The following EPHA3 variants were observed in gnomAD, a reference collection of about 807,000 sequenced individuals.
EPHA3 encodes the protein EPH receptor A3, also known as ephrin type-A receptor 3.
EPHA3 carries 42 observed loss-of-function variants against 107.1 expected under a neutral mutation model. The observed-to-expected ratio is 0.39, with a 90% CI of 0.31 to 0.51. The LOEUF (loss-of-function observed/expected upper bound fraction) is 0.51, where lower values mean the gene tolerates loss of function less well. Ranked by LOEUF, EPHA3 falls within the 20% of genes least tolerant of loss-of-function variation. The pLI, the probability that EPHA3 is intolerant of heterozygous loss-of-function variation, is 0.78. For synonymous variants in EPHA3, 461 were observed against 424.8 expected, an observed-to-expected ratio of 1.09 and a Z score of -1.05; for missense variants, 1,183 against 1,211.2, an observed-to-expected ratio of 0.98 and a Z score of 0.35.
At chr3:89,134,560 T>C (rs1254146486) in intron 2 of EPHA3, among the ~76,000 whole-genome samples, 1 of 152,208 alleles carries the variant, frequency 6.6e-6, no homozygotes, top group Non-Finnish European at 1.5e-5. Context: ...TCATTTTTTA[T>C]GGCTGCATAG....
At chr3:89,328,119 A>C (rs1185514994) in intron 3 of EPHA3, among the ~76,000 whole-genome samples, 1 of 152,008 alleles carries the variant, frequency 6.6e-6, no homozygotes, top group African/African-American at 2.4e-5. Flanking sequence ...AAAAGAAAAA[A>C]ACAGAAAAAA....
intron 3 of EPHA3, among the ~76,000 whole-genome samples, chr3:89,215,557 A>G (rs1294745505): frequency 6.6e-6 from 1 of 151,898 alleles, no homozygotes; most frequent in Non-Finnish European, 1.5e-5. Context: ...GTTTAGGAGA[A>G]ATATGTCTGT....
intron 3 of EPHA3, among the ~76,000 whole-genome samples, chr3:89,333,429 G>A (rs994091961): frequency 1.3e-5 from 2 of 152,052 alleles, no homozygotes; most frequent in African/African-American, 4.8e-5. Flanking sequence ...TTTTGCAAAG[G>A]CCTTATCTAA....
At chr3:89,479,276 A>T in intron 16 of EPHA3, 121 bp from the exon 17 acceptor site, 1 of 749,996 alleles carries the variant, frequency 1.3e-6, no homozygotes, top group Non-Finnish European at 2.3e-6. Flanking sequence ...GATGATGCAA[A>T]TATCAGACAA....
intron 3 of EPHA3, among the ~76,000 whole-genome samples, chr3:89,272,468 T>A (rs768038796): frequency 6.6e-6 from 1 of 151,978 alleles, no homozygotes; most frequent in Non-Finnish European, 1.5e-5. Flanking sequence ...TGCAGTGTAT[T>A]TCAACTTTGC....
chr3:89,136,197 G>A (rs908862394), intron 2 of EPHA3, among the ~76,000 whole-genome samples: 1 of 151,862 alleles, frequency 6.6e-6, no homozygotes, highest in African/African-American at 2.4e-5. Flanking sequence ...TGACATATGT[G>A]ATATGTGATT....
chr3:89,361,207 C>T (rs1382951653), intron 5 of EPHA3, among the ~76,000 whole-genome samples: 3 of 150,968 alleles, frequency 2.0e-5, no homozygotes, highest in Non-Finnish European at 4.4e-5. Context: ...AGAAGGCCTT[C>T]TTGTATCCTT....
chr3:89,322,225 T>C lies in EPHA3; in HGVS notation c.815-18691T>C, dbSNP rs575718369. 5.3e-5 allele frequency among the ~76,000 whole-genome samples: 8 copies of C among 152,118 alleles called. No homozygotes were observed. In the East Asian group the frequency reaches 1.4e-3, roughly 26 times the overall value. On this transcript the variant is annotated intron_variant, in intron 3 of 16. Transcript: ENST00000336596. ...TGGAATTATTCAAGTATCCATTGAG[T>C]CTTTGGAAATAATGCTATGATCACC...
At position 89,458,194 on chromosome 3, in the gene EPHA3, C is replaced by T. The variant is rs1710138496; in HGVS notation, c.2690+7824C>T. 2.6e-5 allele frequency among the ~76,000 whole-genome samples: 4 copies of T among 152,194 alleles called. No homozygotes were observed. In the South Asian group the frequency reaches 8.3e-4, roughly 32 times the overall value. On this transcript the variant is annotated intron_variant, in intron 15 of 16. Coordinates refer to ENST00000336596, the MANE Select transcript of EPHA3 (RefSeq NM_005233.6). ...CAATCAGTGACAGGAAATGGCAATA[C>T]AAGAAGGAAAACAAATACGAAACAT...
chr3:89,443,416 CTA>C (rs1189992633), intron 13 of EPHA3, among the ~76,000 whole-genome samples: 1 of 151,920 alleles, frequency 6.6e-6, no homozygotes, highest in Non-Finnish European at 1.5e-5. Context: ...TGTAACAACA[CTA>C]TTAAATAGTA....
chr3:89,433,271 CTTA>C (rs1709603977), intron 13 of EPHA3, among the ~76,000 whole-genome samples: 3 of 151,668 alleles, frequency 2.0e-5, no homozygotes, highest in Admixed American at 2.0e-4. Context: ...TCTGCTGTTT[CTTA>C]TTATCTAATT....
intron 2 of EPHA3, among the ~76,000 whole-genome samples, chr3:89,168,221 G>A (rs1303500852): frequency 6.6e-6 from 1 of 152,088 alleles, no homozygotes; most frequent in Non-Finnish European, 1.5e-5. Context: ...CTCTGGCTGA[G>A]GAAACAATTT....
At chr3:89,145,319 A>G (rs1430903652) in intron 2 of EPHA3, among the ~76,000 whole-genome samples, 1 of 151,694 alleles carries the variant, frequency 6.6e-6, no homozygotes, top group East Asian at 1.9e-4. Context: ...TTACCTTTAT[A>G]TAGAGATTCT....
chr3:89,240,370 G>A (rs1345527737), intron 3 of EPHA3, among the ~76,000 whole-genome samples: 1 of 151,914 alleles, frequency 6.6e-6, no homozygotes, highest in Non-Finnish European at 1.5e-5. Flanking sequence ...TACTTGACTG[G>A]TATTTTGCTA....
chr3:89,458,793 T>C (rs762863371), intron 15 of EPHA3, among the ~76,000 whole-genome samples: 10 of 152,174 alleles, frequency 6.6e-5, no homozygotes, highest in Non-Finnish European at 1.5e-4. Flanking sequence ...TGCCCATCAA[T>C]GATAGACTGA....
intron 5 of EPHA3, among the ~76,000 whole-genome samples, chr3:89,377,416 A>T (rs1708422837): frequency 6.6e-6 from 1 of 152,150 alleles, no homozygotes; most frequent in African/African-American, 2.4e-5. Context: ...AAACCAACCC[A>T]TTAAAGCCAA....
intron 3 of EPHA3, among the ~76,000 whole-genome samples, chr3:89,319,282 A>G (rs1706985599): frequency 6.6e-6 from 1 of 151,998 alleles, no homozygotes; most frequent in Admixed American, 6.6e-5. Flanking sequence ...CATGACATGT[A>G]TACTGAGTAT....
chr3:89,480,211 A>G lies in EPHA3; in HGVS notation c.*709A>G, dbSNP rs1576400814. 4.3e-6 allele frequency: 1 copy of G among 233,134 alleles called. No individual in the cohort carries two copies. The highest frequency in any genetic ancestry group is 6.1e-5 in the East Asian group (1 of 16,450). The allele number at this position is 233,134 out of a possible 1,614,324, so 14.4% of individuals were successfully genotyped here. On this transcript the variant is annotated 3_prime_UTR_variant, in exon 17 of 17. Coordinates refer to ENST00000336596, the MANE Select transcript of EPHA3 (RefSeq NM_005233.6). ...GATTTAATATGGATTTGTTACAGCCAAGTGCCAAATGCTCTCTCAAATTGT... is the reference window on the plus strand; with the variant it reads ...GATTTAATATGGATTTGTTACAGCCGAGTGCCAAATGCTCTCTCAAATTGT...
intron 2 of EPHA3, among the ~76,000 whole-genome samples, chr3:89,127,903 T>A (rs1463961348): frequency 2.6e-5 from 4 of 152,110 alleles, no homozygotes; most frequent in Non-Finnish European, 4.4e-5. Context: ...TCTGAATGAC[T>A]ATAATGAGGC....
Sources: gnomAD v4.1 joint callset for allele counts (sites outside exome capture counted in the v4.1 genomes callset) on GRCh38, gnomAD v4.1.1 for gene constraint, MANE v1.5 for transcripts, NCBI Gene and HGNC (gene_info 2026-07-23, HGNC 2026-07-21) for gene names.